Variants in DAPK1 observed in about 807,000 individuals in gnomAD.
DAPK1 encodes death associated protein kinase 1.
Under a neutral mutation model 144.9 loss-of-function variants are expected in DAPK1, and 56 were observed. The observed-to-expected ratio is 0.39, with a 90% CI of 0.31 to 0.48. DAPK1 has a LOEUF of 0.48. Ranked by LOEUF, DAPK1 falls within the 20% of genes least tolerant of loss-of-function variation. The probability of loss-of-function intolerance (pLI) is 0.95; values close to 1 mark genes in which losing one functional copy is unlikely to be tolerated. For synonymous variants in DAPK1, 690 were observed against 749.0 expected (o/e 0.92, Z 1.29); for missense variants, 1,454 against 1,875.4 (o/e 0.78, Z 4.15).
chr9:87,627,038 A>G (rs1206552933), intron 3 of DAPK1, among the ~76,000 whole-genome samples: 1 of 152,162 alleles, frequency 6.6e-6, no homozygotes. Context: ...TCTAAAGGTC[A>G]GTGTATTTTT....
intron 19 of DAPK1, 95 bp from the exon 20 acceptor site, chr9:87,681,309 A>G (rs956775949): frequency 4.1e-6 from 3 of 728,514 alleles, no homozygotes; most frequent in Non-Finnish European, 7.2e-6. Flanking sequence ...TATCTTCAGC[A>G]TGGGTAAAAA....
chr9:87,596,271 A>G (rs1223499367), intron 2 of DAPK1, among the ~76,000 whole-genome samples: 1 of 152,196 alleles, frequency 6.6e-6, no homozygotes, highest in Non-Finnish European at 1.5e-5. Flanking sequence ...CAGTATAGAT[A>G]CGCACTGGGC....
At chr9:87,638,714 C>T (rs1041531703) in intron 4 of DAPK1, among the ~76,000 whole-genome samples, 1 of 152,198 alleles carries the variant, frequency 6.6e-6, no homozygotes, top group Non-Finnish European at 1.5e-5. Context: ...GTAGTTGATT[C>T]AGACCAGTAG....
rs1827801296 is a variant in DAPK1 at position 87,582,885 on chromosome 9, CATAAAAGACCTTG to C, written c.63-22067_63-22055del. On this transcript the variant is annotated intron_variant, in intron 2 of 25. Transcript: ENST00000408954. Reference sequence around the variant, plus strand: ...CCTAGTTCTAATGGGGTCACTGTACCATAAAAGACCTTGAGATACTGGGTGATCAGAACCACAG... The same window carrying C: ...CCTAGTTCTAATGGGGTCACTGTACCAGATACTGGGTGATCAGAACCACAG... Among the ~76,000 whole-genome samples, 7 of 151,994 alleles carry C rather than the reference CATAAAAGACCTTG, an allele frequency of 4.6e-5. No individual in the cohort carries two copies. In the South Asian group the frequency reaches 1.5e-3, roughly 32 times the overall value.
chr9:87,529,822 A>G (rs7046106), intron 2 of DAPK1, among the ~76,000 whole-genome samples: 152,311 of 152,358 alleles, frequency 1, 76,132 homozygotes, highest in Middle Eastern at 1. Context: ...TGCCCCTAGA[A>G]CAGGTCAGAC....
intron 4 of DAPK1, 37 bp downstream of exon 4, chr9:87,638,118 C>T (rs781153393): frequency 3.3e-5 from 51 of 1,566,642 alleles, no homozygotes; most frequent in Non-Finnish European, 4.3e-5. Flanking sequence ...GAAGCTTGTG[C>T]AGATCACAGC....
chr9:87,529,964 C>T (rs754357654), intron 2 of DAPK1, among the ~76,000 whole-genome samples: 6 of 152,192 alleles, frequency 3.9e-5, no homozygotes, highest in East Asian at 1.9e-4. Flanking sequence ...TAATGCCGCC[C>T]GCCCAAGCTT....
chr9:87,649,842 A>G, intron 15 of DAPK1, 79 bp from the exon 16 acceptor site: 2 of 1,448,922 alleles, frequency 1.4e-6, no homozygotes, highest in Non-Finnish European at 1.9e-6. Flanking sequence ...GCCAAATTTG[A>G]CAGGGACTCT....
At chr9:87,546,625 A>G (rs1162226316) in intron 2 of DAPK1, among the ~76,000 whole-genome samples, 2 of 152,198 alleles carry the variant, frequency 1.3e-5, no homozygotes, top group African/African-American at 4.8e-5. Flanking sequence ...GAAAACAGAG[A>G]TGTGGGATCA....
At chr9:87,646,815 T>TA (rs533734465) in intron 13 of DAPK1, among the ~76,000 whole-genome samples, 127 of 152,308 alleles carry the variant, frequency 8.3e-4, no homozygotes, top group South Asian at 7.0e-3. Context: ...TTTTACTTCT[T>TA]ACCGATCACA....
rs149619871 is a variant in DAPK1, at chr9:87,629,224, G to A, written c.285-8719G>A. The stretch of plus-strand genomic sequence containing the variant: ...GGGGAGTGTGGATGCAGACACAGAC[G>A]TGTGTGGAGGGCGGTCTACAGGGAG... On this transcript the variant is annotated intron_variant, in intron 3 of 25. Transcript: ENST00000408954. Among the ~76,000 whole-genome samples, 38 of 151,972 alleles carry A rather than the reference G, an allele frequency of 2.5e-4. No homozygotes were observed. In the East Asian group the frequency reaches 5.2e-3, roughly 21 times the overall value.
chr9:87,537,045 T>C (rs1825884034), intron 2 of DAPK1, among the ~76,000 whole-genome samples: 1 of 151,940 alleles, frequency 6.6e-6, no homozygotes, highest in African/African-American at 2.4e-5. Flanking sequence ...TGGAGTGCGA[T>C]GGCCCAATCT....
chr9:87,532,199 G>A (rs146611756), intron 2 of DAPK1, among the ~76,000 whole-genome samples: 5 of 152,180 alleles, frequency 3.3e-5, no homozygotes, highest in African/African-American at 1.2e-4. Context: ...GGCCCACTGT[G>A]TTTTTATAGA....
intron 2 of DAPK1, among the ~76,000 whole-genome samples, chr9:87,592,006 G>A (rs772654924): frequency 9.2e-5 from 14 of 152,138 alleles, no homozygotes; most frequent in African/African-American, 2.2e-4. Context: ...ACCGTCCTCC[G>A]CTCCAGGGCC....
At chr9:87,550,607 A>T (rs1826440953) in intron 2 of DAPK1, among the ~76,000 whole-genome samples, 1 of 152,216 alleles carries the variant, frequency 6.6e-6, no homozygotes, top group Non-Finnish European at 1.5e-5. Flanking sequence ...CTACTGCAGG[A>T]TGAACCCTTC....
chr9:87,669,575 A>G (rs905262625), intron 19 of DAPK1, among the ~76,000 whole-genome samples: 1 of 152,190 alleles, frequency 6.6e-6, no homozygotes, highest in Non-Finnish European at 1.5e-5. Context: ...CAAACTATCT[A>G]GAAATAAAAT....
At chr9:87,656,721 T>C (rs1830640194) in intron 17 of DAPK1, among the ~76,000 whole-genome samples, 3 of 152,354 alleles carry the variant, frequency 2.0e-5, no homozygotes, top group Admixed American at 6.5e-5. Context: ...TTCACGAGAA[T>C]GTGATCCCTC....
intron 21 of DAPK1, among the ~76,000 whole-genome samples, chr9:87,692,231 T>C (rs1471622226): frequency 8.3e-6 from 1 of 120,018 alleles, no homozygotes; most frequent in Non-Finnish European, 1.7e-5. Flanking sequence ...TTGCATTATA[T>C]AATGACCTTC....
chr9:87,526,028 C>G (rs950110501), intron 2 of DAPK1, among the ~76,000 whole-genome samples: 1 of 151,752 alleles, frequency 6.6e-6, no homozygotes, highest in Non-Finnish European at 1.5e-5. Flanking sequence ...AATTTATATG[C>G]TAGGAGTGGT....
Sources: gnomAD v4.1 joint callset for allele counts (sites outside exome capture counted in the v4.1 genomes callset) on GRCh38, gnomAD v4.1.1 for gene constraint, MANE v1.5 for transcripts, NCBI Gene and HGNC (gene_info 2026-07-23, HGNC 2026-07-21) for gene names.